URAD: variants seen among roughly 807,000 people sequenced by gnomAD.
URAD encodes putative 2-oxo-4-hydroxy-4-carboxy-5-ureidoimidazoline decarboxylase.
In URAD, 4 loss-of-function variants were observed where a neutral mutation model predicts 4.6. The ratio of observed to expected loss-of-function variants is 0.87; its 90% CI spans 0.43 to 1.98. URAD has a LOEUF of 1.98. Among genes scored for constraint, URAD ranks in the 30% most tolerant of loss-of-function variants. The pLI is 0.03. For synonymous variants in URAD, 144 were observed against 118.2 expected (o/e 1.22, Z -1.41); for missense variants, 300 against 255.3 (o/e 1.18, Z -1.19).
intron 1 of URAD, among the ~76,000 whole-genome samples, chr13:27,979,423 C>A (rs567621806): frequency 1.2e-4 from 18 of 152,190 alleles, no homozygotes; most frequent in Non-Finnish European, 2.2e-4. Context: ...CGGGGCGAGG[C>A]AAGATTCCAG....
chr13:27,978,139 G>T lies in URAD; in HGVS notation c.489C>A (p.Ala163=). 2 of 1,529,786 alleles carry T rather than the reference G, an allele frequency of 1.3e-6. No homozygotes were observed. The highest frequency in any genetic ancestry group is 8.7e-7 in the Non-Finnish European group (1 of 1,151,474). 94.8% of individuals were successfully genotyped at this position (1,529,786 alleles called of 1,614,324 possible). A position where few individuals can be genotyped will look rare whatever the true frequency, so the allele number is the denominator to read the frequency against. ...EVKKIGSLRL[A]DLLRADPAKL is the part of the protein sequence containing the mutation. Reference sequence around the variant, plus strand: ...TGGCGGGGTCTGCGCGGAGGAGGTCGGCCAGGCGCAGGCTGCCGATCTTCT... The same window carrying T: ...TGGCGGGGTCTGCGCGGAGGAGGTCTGCCAGGCGCAGGCTGCCGATCTTCT... The change falls in exon 2 of 2, where the codon GCC becomes GCA. Residue 163 remains alanine, a synonymous_variant. Transcript: ENST00000332715.
At position 27,988,565 on chromosome 13, in the gene URAD, A is replaced by C; in HGVS notation, c.73T>G (p.Cys25Gly). ...VDVFGNATER[C>G]PLIAAAVWSQ... ...CAAACAGCAGCTGCAATCAGAGGAC[A>C]TCTCTCAGTGGCATTCCCAAACACA... The change falls in exon 1 of 2, where the codon TGT becomes GGT. Residue 25 changes from cysteine (C) to glycine (G), a missense_variant. Transcript: ENST00000332715. 1 of 1,613,958 alleles carries C rather than the reference A, an allele frequency of 6.2e-7. No homozygotes were observed. The highest frequency in any genetic ancestry group is 8.5e-7 in the Non-Finnish European group (1 of 1,179,856).
At chr13:27,986,730 A>G (rs1439574139) in intron 1 of URAD, among the ~76,000 whole-genome samples, 8 of 152,126 alleles carry the variant, frequency 5.3e-5, no homozygotes, top group Non-Finnish European at 1.0e-4. Context: ...CTGTAAAGAA[A>G]TTACTTTCCA....
rs777383263 is a variant in URAD, at chr13:27,978,068, T to C, written c.*38A>G. ...AGCTCCGGGCCGTGGCCCCCGCGCG[T>C]CCGGTTGTGCGTCCCGGGTCCCTGG... On this transcript the variant is annotated 3_prime_UTR_variant, in exon 2 of 2. Transcript: ENST00000332715. The C allele has an allele frequency of 2.2e-5, 31 of 1,412,286 alleles. No homozygotes were observed. Among genetic ancestry groups the C allele is most frequent in the African/African-American group, 3.0e-5 (2 of 66,022 alleles). The allele number at this position is 1,412,286 out of a possible 1,614,324, so 87.5% of individuals were successfully genotyped here. A position where few individuals can be genotyped will look rare whatever the true frequency, so the allele number is the denominator to read the frequency against.
chr13:27,978,526 G>A, intron 1 of URAD, 74 bp from the exon 2 acceptor site: 1 of 1,161,918 alleles, frequency 8.6e-7, no homozygotes, highest in East Asian at 3.3e-5. Context: ...GAGGGGGCGC[G>A]TAGGCCGCGC....
Position 27,978,130 on chromosome 13 carries a change from G to A in URAD, c.498C>T (p.Leu166=). 1 of 1,527,596 alleles carries A rather than the reference G, an allele frequency of 6.5e-7. No individual in the cohort carries two copies. Among genetic ancestry groups the A allele is most frequent in the Admixed American group, 2.0e-5 (1 of 49,810 alleles). The allele number at this position is 1,527,596 out of a possible 1,614,324, so 94.6% of individuals were successfully genotyped here. ...KIGSLRLADL[L]RADPAKL The stretch of plus-strand genomic sequence containing the variant: ...GCTACAGCTTGGCGGGGTCTGCGCG[G>A]AGGAGGTCGGCCAGGCGCAGGCTGC... Residue 166 remains leucine (L), a synonymous_variant, in exon 2 of 2, where the codon CTC becomes CTT. Transcript: ENST00000332715.
chr13:27,986,931 C>A (rs771550773), intron 1 of URAD, among the ~76,000 whole-genome samples: 16 of 152,172 alleles, frequency 1.1e-4, no homozygotes, highest in Non-Finnish European at 1.8e-4. Flanking sequence ...TGATGACCCC[C>A]AAGCCCAGTG....
Position 27,978,245 on chromosome 13 carries a change from C to T in URAD, c.383G>A (p.Arg128Gln), listed in dbSNP as rs747442691. 1.4e-6 allele frequency: 2 copies of T among 1,455,122 alleles called. No individual in the cohort carries two copies. Among genetic ancestry groups the T allele is most frequent in the Non-Finnish European group, 1.8e-6 (2 of 1,113,306 alleles). 90.1% of individuals were successfully genotyped at this position (1,455,122 alleles called of 1,614,324 possible). The change falls in exon 2 of 2, where the codon CGG (arginine) becomes CAG (glutamine). Residue 128 changes from arginine (R) to glutamine (Q), a missense_variant. Transcript: ENST00000332715. ...PFVLAARFSDRTAVPRELARR... is the reference protein window; with the variant it reads ...PFVLAARFSDQTAVPRELARR... ...CGCCAGCTCGCGCGGCACCGCCGTCCGGTCGCTGAAGCGCGCGGCGAGCAC... is the reference window on the plus strand; with the variant it reads ...CGCCAGCTCGCGCGGCACCGCCGTCTGGTCGCTGAAGCGCGCGGCGAGCAC...
chr13:27,984,894 G>C (rs1008664095), intron 1 of URAD, among the ~76,000 whole-genome samples: 1 of 152,112 alleles, frequency 6.6e-6, no homozygotes, highest in Non-Finnish European at 1.5e-5. Context: ...CAGGAGAATC[G>C]CTTGAACCCG....
At position 27,978,414 on chromosome 13, in the gene URAD, C is replaced by A; in HGVS notation, c.214G>T (p.Gly72Cys). 2 of 1,387,672 alleles carry A rather than the reference C, an allele frequency of 1.4e-6. No homozygotes were observed. Among genetic ancestry groups the A allele is most frequent in the African/African-American group, 3.0e-5 (2 of 66,246 alleles). 86.0% of individuals were successfully genotyped at this position (1,387,672 alleles called of 1,614,324 possible). Residue 72 changes from glycine (G) to cysteine (C), a missense_variant, in exon 2 of 2, where the codon GGC becomes TGC. Coordinates refer to ENST00000332715, the MANE Select transcript of URAD (RefSeq NM_001105577.2). ...GILRCHPDLAGSELQRGTLTA... is the reference protein window; with the variant it reads ...GILRCHPDLACSELQRGTLTA... ...AGCGTGCCCCGCTGCAGCTCGCTGC[C>A]CGCCAGGTCCGGGTGGCAGCGCAGG...
chr13:27,985,516 T>C (rs1374102933), intron 1 of URAD, among the ~76,000 whole-genome samples: 1 of 152,178 alleles, frequency 6.6e-6, no homozygotes. Context: ...ATACAATAGA[T>C]TATTATTGAC....
intron 1 of URAD, among the ~76,000 whole-genome samples, chr13:27,986,999 G>A (rs952401748): frequency 6.6e-6 from 1 of 152,124 alleles, no homozygotes; most frequent in African/African-American, 2.4e-5. Flanking sequence ...GTGTCCACAT[G>A]GCCCCAACAT....
At chr13:27,984,247 T>C (rs1003763367) in intron 1 of URAD, among the ~76,000 whole-genome samples, 1 of 152,196 alleles carries the variant, frequency 6.6e-6, no homozygotes, top group East Asian at 1.9e-4. Flanking sequence ...ATGAAAGTTG[T>C]ATTGCTCTTT....
chr13:27,980,316 AGCTCC>A (rs149667484), intron 1 of URAD, among the ~76,000 whole-genome samples: 2,229 of 152,280 alleles, frequency 0.015, 64 homozygotes, highest in African/African-American at 0.051. Flanking sequence ...TCCCGCGTCC[AGCTCC>A]GTCAGGGTAG....
At chr13:27,985,583 A>G (rs1031623005) in intron 1 of URAD, among the ~76,000 whole-genome samples, 4 of 152,240 alleles carry the variant, frequency 2.6e-5, no homozygotes, top group African/African-American at 9.6e-5. Context: ...ACAATAAAAC[A>G]TGGGGTCTAG....
chr13:27,984,519 T>C, intron 1 of URAD, among the ~76,000 whole-genome samples: 1 of 152,326 alleles, frequency 6.6e-6, no homozygotes, highest in Non-Finnish European at 1.5e-5. Flanking sequence ...CAGTTTTGTT[T>C]TCTGTTAATG....
intron 1 of URAD, among the ~76,000 whole-genome samples, chr13:27,980,951 G>C (rs1215832381): frequency 6.6e-6 from 1 of 151,800 alleles, no homozygotes; most frequent in Non-Finnish European, 1.5e-5. Context: ...CAGAGCAAAG[G>C]GCAGAAGAAA....
chr13:27,983,441 C>A (rs941894204), intron 1 of URAD, among the ~76,000 whole-genome samples: 2 of 152,068 alleles, frequency 1.3e-5, no homozygotes, highest in Non-Finnish European at 2.9e-5. Context: ...GTTGGCCAGG[C>A]TGGTCTCGAA....
intron 1 of URAD, 143 bp downstream of exon 1, chr13:27,988,320 G>T: frequency 1.2e-6 from 1 of 814,664 alleles, no homozygotes; most frequent in East Asian, 2.9e-5. Context: ...TCAAATTCCT[G>T]GGCTCAAGTG....
Sources: gnomAD v4.1 joint callset for allele counts (sites outside exome capture counted in the v4.1 genomes callset) on GRCh38, gnomAD v4.1.1 for gene constraint, MANE v1.5 for transcripts, NCBI Gene and HGNC (gene_info 2026-07-23, HGNC 2026-07-21) for gene names.